Variants in PRKN observed in about 807,000 individuals in gnomAD.
PRKN encodes parkin RBR E3 ubiquitin protein ligase.
Under a neutral mutation model 59.5 loss-of-function variants are expected in PRKN, and 56 were observed. That is an observed-to-expected ratio of 0.94 (90% CI 0.76 to 1.18). PRKN has a LOEUF of 1.18. Among genes scored for constraint, PRKN ranks in the 50% most tolerant of loss-of-function variants. The pLI, the probability that PRKN is intolerant of heterozygous loss-of-function variation, is 0.00. For synonymous variants in PRKN, 250 were observed against 222.1 expected (o/e 1.13, Z -1.12); for missense variants, 657 against 596.4 (o/e 1.10, Z -1.06).
intron 1 of PRKN, among the ~76,000 whole-genome samples, chr6:162,469,711 G>A (rs1376016025): frequency 1.3e-5 from 2 of 151,910 alleles, no homozygotes; most frequent in Non-Finnish European, 2.9e-5. Context: ...TGACACAGTG[G>A]ACTCTGGGGA....
chr6:161,866,941 T>C (rs1794134848), intron 6 of PRKN, among the ~76,000 whole-genome samples: 2 of 152,162 alleles, frequency 1.3e-5, no homozygotes, highest in Admixed American at 6.5e-5. Flanking sequence ...GAAAGCTTAA[T>C]TTAAATAGAG....
At chr6:162,630,191 C>CA (rs558041165) in intron 1 of PRKN, among the ~76,000 whole-genome samples, 156 of 152,156 alleles carry the variant, frequency 1.0e-3, no homozygotes, top group Non-Finnish European at 1.9e-3. Flanking sequence ...GTATAAAAGC[C>CA]AAAAAGATTA....
At chr6:162,024,194 C>CTTTTTTTTTTTTTTTTT (rs111595639) in intron 5 of PRKN, among the ~76,000 whole-genome samples, 1 of 82,062 alleles carries the variant, frequency 1.2e-5, no homozygotes, top group African/African-American at 5.0e-5. Context: ...TCCCCCAACC[C>CTTTTTTTTTTTTTTTTT]TTTTTTTTTT....
In PRKN at chr6:161,376,952, CAA is replaced by C. The variant is rs1785733142; in HGVS notation, c.1167+9840_1167+9841del. Reference sequence around the variant, plus strand: ...AGCTGGAATCCCTCCCGCCAGTGGCCAAAGAGGAGCCTGTCACTGTTGGAAGA... The same window carrying C: ...AGCTGGAATCCCTCCCGCCAGTGGCCAGAGGAGCCTGTCACTGTTGGAAGA... On this transcript the variant is annotated intron_variant, in intron 10 of 11. Coordinates refer to ENST00000366898, the MANE Select transcript of PRKN (RefSeq NM_004562.3). This position sits in a 1 kb window ranked among gnomAD's most constrained non-coding sequence, Gnocchi z 7.3. 6.6e-6 allele frequency among the ~76,000 whole-genome samples: 1 copy of C among 152,180 alleles called. No homozygotes were observed. The highest frequency in any genetic ancestry group is 6.5e-5 in the Admixed American group (1 of 15,282).
intron 4 of PRKN, among the ~76,000 whole-genome samples, chr6:162,131,633 A>T (rs1781360823): frequency 6.6e-6 from 1 of 152,216 alleles, no homozygotes; most frequent in African/African-American, 2.4e-5. Flanking sequence ...CTTTCTTGGT[A>T]CCTGGAGGAG....
intron 3 of PRKN, among the ~76,000 whole-genome samples, chr6:162,235,858 A>G (rs1280339860): frequency 1.3e-5 from 2 of 150,294 alleles, no homozygotes; most frequent in Non-Finnish European, 3.0e-5. Context: ...GGGAGGAAAG[A>G]AAGAAAAAGA....
At chr6:161,543,195 T>G (rs1362104288) in intron 9 of PRKN, among the ~76,000 whole-genome samples, 1 of 152,202 alleles carries the variant, frequency 6.6e-6, no homozygotes, top group Non-Finnish European at 1.5e-5. Flanking sequence ...CGTTAAAGGC[T>G]GAAAATGAGG....
intron 4 of PRKN, among the ~76,000 whole-genome samples, chr6:162,144,520 G>A (rs552243639): frequency 2.2e-4 from 33 of 152,084 alleles, no homozygotes; most frequent in Non-Finnish European, 3.4e-4. Context: ...TAGGTTTATG[G>A]TGCTCCGAGC....
intron 2 of PRKN, among the ~76,000 whole-genome samples, chr6:162,291,012 G>C (rs1472551269): frequency 6.6e-6 from 1 of 152,174 alleles, no homozygotes; most frequent in African/African-American, 2.4e-5. Context: ...GGATAACTGT[G>C]TGTACTTATA....
chr6:161,678,078 G>T (rs1785154790), intron 7 of PRKN, among the ~76,000 whole-genome samples: 1 of 152,020 alleles, frequency 6.6e-6, no homozygotes, highest in Admixed American at 6.5e-5. Flanking sequence ...GCAAAAAGTA[G>T]AAAAGCTCTA....
chr6:161,406,303 C>T (rs1309888132), intron 9 of PRKN, among the ~76,000 whole-genome samples: 3 of 151,708 alleles, frequency 2.0e-5, no homozygotes, highest in Non-Finnish European at 4.4e-5. Context: ...CAATTTTTTT[C>T]AAAGTCATGA....
intron 6 of PRKN, among the ~76,000 whole-genome samples, chr6:161,852,133 A>C (rs915562620): frequency 6.6e-6 from 1 of 151,656 alleles, no homozygotes; most frequent in African/African-American, 2.4e-5. Flanking sequence ...GATGATAGCC[A>C]CAGAGGGAAT....
chr6:161,574,526 A>G (rs1781059953), intron 7 of PRKN, among the ~76,000 whole-genome samples: 1 of 152,066 alleles, frequency 6.6e-6, no homozygotes, highest in Admixed American at 6.5e-5. Flanking sequence ...TTCGTGAGTA[A>G]GCGCTCACAT....
chr6:161,621,115 A>T (rs973172643), intron 7 of PRKN, among the ~76,000 whole-genome samples: 1 of 152,142 alleles, frequency 6.6e-6, no homozygotes. Context: ...AGAGGCTCAA[A>T]GGGGCCAGGG....
chr6:162,437,418 G>A (rs1461431521), intron 2 of PRKN, among the ~76,000 whole-genome samples: 2 of 152,080 alleles, frequency 1.3e-5, no homozygotes, highest in Admixed American at 1.3e-4. Flanking sequence ...AGAGATAGCA[G>A]AGAAAGATGC....
intron 7 of PRKN, among the ~76,000 whole-genome samples, chr6:161,639,069 C>T (rs987446464): frequency 1.3e-5 from 2 of 152,082 alleles, no homozygotes; most frequent in East Asian, 1.9e-4. Flanking sequence ...CCCTTTTGCT[C>T]GGCACTTCTC....
At chr6:162,528,318 C>T (rs1436240135) in intron 1 of PRKN, among the ~76,000 whole-genome samples, 3 of 106,630 alleles carry the variant, frequency 2.8e-5, no homozygotes, top group Non-Finnish European at 6.6e-5. Context: ...AACTCCGTCT[C>T]AAAAGAAAAA....
chr6:162,309,290 G>A (rs181074851), intron 2 of PRKN, among the ~76,000 whole-genome samples: 84 of 152,160 alleles, frequency 5.5e-4, no homozygotes, highest in African/African-American at 1.8e-3. Flanking sequence ...TCAGCCTCCC[G>A]AGTAGCTGGG....
At chr6:162,405,568 C>T (rs994567268) in intron 2 of PRKN, among the ~76,000 whole-genome samples, 3 of 152,130 alleles carry the variant, frequency 2.0e-5, no homozygotes, top group African/African-American at 4.8e-5. Flanking sequence ...CATGCTAAAG[C>T]TCTAAACTCA....
Sources: gnomAD v4.1 joint callset for allele counts (sites outside exome capture counted in the v4.1 genomes callset) on GRCh38, gnomAD v4.1.1 for gene constraint, Gnocchi (gnomAD v3.1) non-coding constraint, MANE v1.5 for transcripts, NCBI Gene and HGNC (gene_info 2026-07-23, HGNC 2026-07-21) for gene names.